Variants in DHX35 observed in about 807,000 individuals in gnomAD.
DHX35 encodes DEAH-box helicase 35.
Under a neutral mutation model 99.6 loss-of-function variants are expected in DHX35, and 84 were observed. The ratio of observed to expected loss-of-function variants is 0.84; its 90% CI spans 0.71 to 1.01. The LOEUF is 1.01. DHX35 is among the 50% of genes least tolerant of loss of function. The probability of loss-of-function intolerance (pLI) is 0.00; values close to 1 mark genes in which losing one functional copy is unlikely to be tolerated. For missense variants in DHX35, 852 were observed against 888.5 expected (o/e 0.96, Z 0.52); for synonymous variants, 331 against 316.2 (o/e 1.05, Z -0.50).
At chr20:39,010,494 C>CT (rs35165418) in intron 13 of DHX35, 90 bp downstream of exon 13, 4 of 1,522,386 alleles carry the variant, frequency 2.6e-6, no homozygotes, top group Non-Finnish European at 3.5e-6. Context: ...GCCATCTTTC[C>CT]TTTTTTTCCC....
intron 13 of DHX35, among the ~76,000 whole-genome samples, chr20:39,011,124 ATTTC>A (rs2145913588): frequency 6.6e-6 from 1 of 151,876 alleles, no homozygotes; most frequent in East Asian, 1.9e-4. Context: ...GTCAGTTTTT[ATTTC>A]TTCTGAGTTG....
chr20:38,988,880 T>G lies in DHX35; in HGVS notation c.413T>G (p.Phe138Cys). 6.2e-7 allele frequency: 1 copy of G among 1,613,816 alleles called. No individual in the cohort carries two copies. The highest frequency in any genetic ancestry group is 8.5e-7 in the Non-Finnish European group (1 of 1,179,836). ...CACGAGGTGGGCTACTGCATCCGCT[T>G]TGATGACTGCACCGACCAGCTGGCC... is the stretch of plus-strand genomic sequence containing the variant. ...LGHEVGYCIRFDDCTDQLATR... is the reference protein window; with the variant it reads ...LGHEVGYCIRCDDCTDQLATR... The change falls in exon 5 of 22, where the codon TTT becomes TGT. Residue 138 changes from phenylalanine (F) to cysteine (C), a missense_variant. Coordinates refer to ENST00000252011, the MANE Select transcript of DHX35 (RefSeq NM_021931.4).
chr20:38,968,964 T>C lies in DHX35; in HGVS notation c.41-117T>C, dbSNP rs977888224. On this transcript the variant is annotated intron_variant, in intron 1 of 21. Transcript: ENST00000252011. ...GTTAAGGTTGAATACCTTTGAGTAG[T>C]TTGAGATAAAAAGTATTGCTTCTTC... 1.6e-5 allele frequency: 19 copies of C among 1,220,060 alleles called. No individual in the cohort carries two copies. In the South Asian group the frequency reaches 3.3e-4, roughly 21 times the overall value. 75.6% of individuals were successfully genotyped at this position (1,220,060 alleles called of 1,614,324 possible).
At chr20:38,996,257 A>T (rs1264336522) in intron 8 of DHX35, among the ~76,000 whole-genome samples, 11 of 152,136 alleles carry the variant, frequency 7.2e-5, no homozygotes, top group Admixed American at 2.0e-4. Flanking sequence ...TGCATTGTTT[A>T]TTGTGTGTCT....
intron 8 of DHX35, among the ~76,000 whole-genome samples, chr20:38,999,750 C>T (rs897924888): frequency 3.9e-5 from 6 of 152,178 alleles, no homozygotes; most frequent in South Asian, 2.1e-4. Flanking sequence ...TTGTTTGCCT[C>T]GAATCTCTTA....
intron 21 of DHX35, among the ~76,000 whole-genome samples, chr20:39,034,778 T>C (rs1262448415): frequency 6.6e-6 from 1 of 151,008 alleles, no homozygotes; most frequent in Admixed American, 6.6e-5. Context: ...TTTTTTCTTT[T>C]TTTTTTTTTT....
intron 10 of DHX35, among the ~76,000 whole-genome samples, 167 bp downstream of exon 10, chr20:39,003,035 G>A (rs2086547557): frequency 1.3e-5 from 2 of 152,180 alleles, no homozygotes; most frequent in African/African-American, 2.4e-5. Flanking sequence ...CATCTAGATT[G>A]TCAGGGACTC....
intron 3 of DHX35, among the ~76,000 whole-genome samples, chr20:38,981,786 T>C (rs540030714): frequency 1.6e-4 from 24 of 151,870 alleles, no homozygotes; most frequent in African/African-American, 3.9e-4. Flanking sequence ...CTACTAAAAA[T>C]ACAAAAAATT....
chr20:39,029,975 T>C (rs1045738281), intron 19 of DHX35: 1 of 152,456 alleles, frequency 6.6e-6, no homozygotes, highest in South Asian at 2.1e-4. Context: ...TAGTCCAGTA[T>C]TGAGCTTTTT....
chr20:38,964,339 C>T (rs1307440006), intron 1 of DHX35, among the ~76,000 whole-genome samples: 1 of 152,032 alleles, frequency 6.6e-6, no homozygotes, highest in African/African-American at 2.4e-5. Context: ...TGGGGTATGA[C>T]AGGAGATGAA....
chr20:38,987,988 A>G (rs2086275830), intron 4 of DHX35, among the ~76,000 whole-genome samples: 1 of 152,128 alleles, frequency 6.6e-6, no homozygotes, highest in Non-Finnish European at 1.5e-5. Flanking sequence ...TGAATATGGT[A>G]ATTCCTGTTC....
chr20:38,973,779 G>A (rs185314273), intron 3 of DHX35, among the ~76,000 whole-genome samples: 12 of 152,300 alleles, frequency 7.9e-5, no homozygotes, highest in African/African-American at 2.9e-4. Flanking sequence ...ATTGCCGGTG[G>A]CTCCTTTCAG....
At position 38,968,454 on chromosome 20, in the gene DHX35, C is replaced by G. The variant is rs148992970; in HGVS notation, c.41-627C>G. On this transcript the variant is annotated intron_variant, in intron 1 of 21. Transcript: ENST00000252011. Reference sequence around the variant, plus strand: ...ACTTCTGTTAAGAATTCAGTAATAACATGGACATGGAGGCCAGAAGTAAAG... The same window carrying G: ...ACTTCTGTTAAGAATTCAGTAATAAGATGGACATGGAGGCCAGAAGTAAAG... 1.6e-3 allele frequency among the ~76,000 whole-genome samples: 241 copies of G among 152,306 alleles called. 1 individual carries two copies. Among genetic ancestry groups the G allele is most frequent in the African/African-American group, 5.6e-3 (232 of 41,574 alleles).
chr20:38,999,481 A>G (rs1206927855), intron 8 of DHX35, among the ~76,000 whole-genome samples: 1 of 152,050 alleles, frequency 6.6e-6, no homozygotes, highest in East Asian at 1.9e-4. Flanking sequence ...AGACATCCTA[A>G]ACTCATAAAC....
chr20:38,978,148 A>G (rs2086111891), intron 3 of DHX35: 1 of 834,930 alleles, frequency 1.2e-6, no homozygotes, highest in South Asian at 1.3e-5. Flanking sequence ...TATTATTTCA[A>G]AGCCCCTAAG....
At chr20:39,023,657 G>A in intron 16 of DHX35, 33 bp from the exon 17 acceptor site, 1 of 1,606,450 alleles carries the variant, frequency 6.2e-7, no homozygotes, top group Non-Finnish European at 8.5e-7. Flanking sequence ...CCAGCAAAGA[G>A]TGAAATTCTG....
chr20:39,023,479 C>G (rs1189368748), intron 16 of DHX35, among the ~76,000 whole-genome samples: 2 of 151,866 alleles, frequency 1.3e-5, no homozygotes, highest in African/African-American at 4.8e-5. Flanking sequence ...AGCCTAGTAG[C>G]TGGGGCTTAG....
chr20:39,001,765 T>G lies in DHX35; in HGVS notation c.678T>G (p.Ser226Arg). 6.2e-7 allele frequency: 1 copy of G among 1,611,828 alleles called. No homozygotes were observed. The highest frequency in any genetic ancestry group is 8.5e-7 in the Non-Finnish European group (1 of 1,179,456). ...ATTTCTTTAATCAAAATGAAACCAG[T>G]GATCCAGCAAGGGATACATGTGTGA... ...FRDFFNQNET[S>R]DPARDTCVIL... is the part of the protein sequence containing the mutation. Residue 226 changes from serine (S) to arginine (R), a missense_variant, in exon 9 of 22, where the codon AGT becomes AGG. Transcript: ENST00000252011.
rs946642266 is a variant in DHX35, at chr20:39,010,556, C to T, written c.1347+152C>T. The T allele has an allele frequency of 1.9e-5, 21 of 1,094,938 alleles. No individual in the cohort carries two copies. In the Middle Eastern group the frequency reaches 9.3e-4, roughly 49 times the overall value. 67.8% of individuals were successfully genotyped at this position (1,094,938 alleles called of 1,614,324 possible). On this transcript the variant is annotated intron_variant, in intron 13 of 21. Coordinates refer to ENST00000252011, the MANE Select transcript of DHX35 (RefSeq NM_021931.4). ...CTTTGCAACCAGGCCCTGTGCAGGA[C>T]GTAGGGGAAAACAGCCAGACAAGGT...
Sources: allele counts gnomAD v4.1 joint callset (sites outside exome capture counted in the v4.1 genomes callset), GRCh38; gene constraint gnomAD v4.1.1; transcripts MANE v1.5; gene names NCBI Gene and HGNC (gene_info 2026-07-23, HGNC 2026-07-21).